Variants in VWA8 observed in about 807,000 individuals in gnomAD.
The protein encoded by VWA8 is von Willebrand factor A domain-containing protein 8.
A neutral mutation model predicts 241.5 loss-of-function variants in VWA8; 221 were observed. The ratio of observed to expected loss-of-function variants is 0.91; its 90% CI spans 0.82 to 1.02. The LOEUF (loss-of-function observed/expected upper bound fraction) is 1.02. Ranked by LOEUF, VWA8 falls within the 50% of genes least tolerant of loss-of-function variation. The pLI, the probability that VWA8 is intolerant of heterozygous loss-of-function variation, is 0.00. For missense variants in VWA8, 2,322 were observed against 2,328.7 expected, an observed-to-expected ratio of 1.00 and a Z score of 0.06; for synonymous variants, 852 against 827.1, an observed-to-expected ratio of 1.03 and a Z score of -0.52.
chr13:41,903,691 G>A (rs1463579939), intron 4 of VWA8, among the ~76,000 whole-genome samples: 1 of 152,176 alleles, frequency 6.6e-6, no homozygotes, highest in Non-Finnish European at 1.5e-5. Flanking sequence ...GGAGTAAAAG[G>A]AAAGGTGGTA....
chr13:41,573,486 A>AAAAAAT, intron 43 of VWA8, among the ~76,000 whole-genome samples: 2 of 113,614 alleles, frequency 1.8e-5, no homozygotes, highest in African/African-American at 6.9e-5. Flanking sequence ...AAAAAAAAAA[A>AAAAAAT]ATATATATAT....
At chr13:41,765,746 A>G (rs1214913739) in intron 20 of VWA8, among the ~76,000 whole-genome samples, 1 of 152,192 alleles carries the variant, frequency 6.6e-6, no homozygotes, top group African/African-American at 2.4e-5. Flanking sequence ...ATCTTTACTT[A>G]CTAAAAATTC....
chr13:41,829,986 T>C (rs1486310034), intron 14 of VWA8, among the ~76,000 whole-genome samples: 1 of 152,200 alleles, frequency 6.6e-6, no homozygotes, highest in African/African-American at 2.4e-5. Flanking sequence ...CTCACGCCTG[T>C]AATCCCAGCA....
chr13:41,876,555 C>A (rs1317275161), intron 9 of VWA8, among the ~76,000 whole-genome samples: 7 of 152,106 alleles, frequency 4.6e-5, no homozygotes, highest in African/African-American at 1.7e-4. Flanking sequence ...AGCATCCATT[C>A]CTCAATTGAT....
In VWA8 at chr13:41,720,907, C is replaced by T. The variant is rs2053959697; in HGVS notation, c.2964+463G>A. Among the ~76,000 whole-genome samples the T allele has an allele frequency of 3.3e-5, 5 of 152,268 alleles. No individual in the cohort carries two copies. In the South Asian group the frequency reaches 1.0e-3, roughly 32 times the overall value. On this transcript the variant is annotated intron_variant, in intron 25 of 44. Transcript: ENST00000379310. ...CATGGTCGCAGGAAATTTCATTCTC[C>T]TGCCTACTCTATCTTGTGAAACTTC... is the stretch of plus-strand genomic sequence containing the variant.
At position 41,692,866 on chromosome 13, in the gene VWA8, T is replaced by G. The variant is rs751131106; in HGVS notation, c.3671A>C (p.Glu1224Ala). The G allele has an allele frequency of 3.1e-6, 5 of 1,608,016 alleles. No individual in the cohort carries two copies. In the South Asian group the frequency reaches 5.5e-5, roughly 18 times the overall value. ...SKKPFWWNKE[E>A]AETYKMCKEF... Reference sequence around the variant, plus strand: ...GACAAATGTGGTGTTTCTTACAGCTTCTTCTTTGTTCCACCAGAAAGGTTT... The same window carrying G: ...GACAAATGTGGTGTTTCTTACAGCTGCTTCTTTGTTCCACCAGAAAGGTTT... Residue 1224 changes from glutamate to alanine, a missense_variant, in exon 30 of 45, where the codon GAA (glutamate) becomes GCA (alanine). Physicochemically the swap from Glu to Ala is moderately radical, Grantham distance 107. Transcript: ENST00000379310.
At chr13:41,933,656 C>A (rs1388084394) in intron 2 of VWA8, among the ~76,000 whole-genome samples, 1 of 151,966 alleles carries the variant, frequency 6.6e-6, no homozygotes, top group African/African-American at 2.4e-5. Flanking sequence ...AACAGACTCA[C>A]AATACACACA....
At chr13:41,814,444 C>T (rs1455440292) in intron 16 of VWA8, among the ~76,000 whole-genome samples, 1 of 151,886 alleles carries the variant, frequency 6.6e-6, no homozygotes, top group Non-Finnish European at 1.5e-5. Flanking sequence ...AAGGCAGAGA[C>T]ATTTGAGTAT....
Position 41,587,606 on chromosome 13 carries a change from T to C in VWA8, c.5177A>G (p.Tyr1726Cys). Residue 1726 changes from tyrosine to cysteine, a missense_variant, in exon 42 of 45, where the codon TAC becomes TGC. By Grantham distance (194) the Tyr-to-Cys change is radical. Coordinates refer to ENST00000379310, the MANE Select transcript of VWA8 (RefSeq NM_015058.2). ...CCGGCCATCCATCCTGTTGAAACGG[T>C]ACATGCTACCAGACACATCTACCAC... ...RLVVDVSGSM[Y>C]RFNRMDGRLE... The C allele has an allele frequency of 6.2e-7, 1 of 1,614,180 alleles. No individual in the cohort carries two copies. The highest frequency in any genetic ancestry group is 8.5e-7 in the Non-Finnish European group (1 of 1,180,032).
At position 41,778,203 on chromosome 13, in the gene VWA8, T is replaced by C. The variant is rs961543588; in HGVS notation, c.2278-147A>G. On this transcript the variant is annotated intron_variant, in intron 19 of 44. Transcript: ENST00000379310. ...TTGATATAACCCAAAATTAAATCTG[T>C]GGTTATAAGTAAATTATATAACCAT... The C allele has an allele frequency of 1.9e-5, 9 of 482,966 alleles. No individual in the cohort carries two copies. The Admixed American group carries it at 3.0e-4, about 16-fold the overall frequency. 29.9% of individuals were successfully genotyped at this position (482,966 alleles called of 1,614,324 possible).
intron 2 of VWA8, among the ~76,000 whole-genome samples, chr13:41,923,349 G>A (rs1030625522): frequency 3.3e-5 from 5 of 152,112 alleles, no homozygotes; most frequent in African/African-American, 1.2e-4. Flanking sequence ...ATGAGTTAAT[G>A]AGTGCAGCAC....
Position 41,703,295 on chromosome 13 carries a change from A to G in VWA8, c.3225+8T>C. 1.2e-6 allele frequency: 2 copies of G among 1,607,202 alleles called. No individual in the cohort carries two copies. The highest frequency in any genetic ancestry group is 1.7e-6 in the Non-Finnish European group (2 of 1,173,890). Reference sequence around the variant, plus strand: ...AATATTTTAAGAGAGAATAATGATGATATCAACCTTTATGTCTATATGATG... The same window carrying G: ...AATATTTTAAGAGAGAATAATGATGGTATCAACCTTTATGTCTATATGATG... On this transcript the variant is annotated splice_region_variant and intron_variant, in intron 27 of 44. Coordinates refer to ENST00000379310, the MANE Select transcript of VWA8 (RefSeq NM_015058.2).
chr13:41,803,959 T>A (rs1157041572), intron 17 of VWA8, among the ~76,000 whole-genome samples: 1 of 152,086 alleles, frequency 6.6e-6, no homozygotes, highest in South Asian at 2.1e-4. Flanking sequence ...TTAGTAAGCT[T>A]GAAGACAGGC....
chr13:41,860,234 AT>A (rs957741183), intron 12 of VWA8, among the ~76,000 whole-genome samples: 7 of 152,232 alleles, frequency 4.6e-5, no homozygotes, highest in African/African-American at 1.4e-4. Context: ...TTCTCTAAAA[AT>A]TAATGAGCAG....
chr13:41,603,903 A>T (rs2044537673), intron 40 of VWA8, among the ~76,000 whole-genome samples: 1 of 152,174 alleles, frequency 6.6e-6, no homozygotes, highest in Non-Finnish European at 1.5e-5. Flanking sequence ...TTCGTCTCAT[A>T]GCATTGTGTG....
intron 25 of VWA8, among the ~76,000 whole-genome samples, chr13:41,720,098 G>A (rs540960608): frequency 6.6e-6 from 1 of 152,162 alleles, no homozygotes; most frequent in Admixed American, 6.6e-5. Context: ...GTTATGTAAA[G>A]GAGCGTGTTA....
chr13:41,913,212 A>G (rs978511623), intron 2 of VWA8, among the ~76,000 whole-genome samples: 3 of 152,252 alleles, frequency 2.0e-5, no homozygotes, highest in African/African-American at 7.2e-5. Context: ...AAATAGATAT[A>G]TATGTGATAA....
At chr13:41,842,586 C>T (rs899696743) in intron 12 of VWA8, among the ~76,000 whole-genome samples, 3 of 152,170 alleles carry the variant, frequency 2.0e-5, no homozygotes, top group Admixed American at 2.0e-4. Flanking sequence ...AAATTTCTCT[C>T]ATTGAAGATA....
chr13:41,870,160 T>G (rs1448550730), intron 9 of VWA8, among the ~76,000 whole-genome samples: 1 of 152,160 alleles, frequency 6.6e-6, no homozygotes, highest in East Asian at 1.9e-4. Context: ...GTTCTATATT[T>G]CATACAATTT....
Sources: gnomAD v4.1 joint callset for allele counts (sites outside exome capture counted in the v4.1 genomes callset) on GRCh38, gnomAD v4.1.1 for gene constraint, MANE v1.5 for transcripts, NCBI Gene and HGNC (gene_info 2026-07-23, HGNC 2026-07-21) for gene names.